The following TAOK1 variants were observed in gnomAD, a reference collection of about 807,000 sequenced individuals.
The protein encoded by TAOK1 is serine/threonine-protein kinase TAO1.
A neutral mutation model predicts 138.3 loss-of-function variants in TAOK1; 21 were observed. That is an observed-to-expected ratio of 0.15 (90% confidence interval 0.11 to 0.22). The LOEUF is 0.22. Among genes scored for constraint, TAOK1 ranks in the 10% least tolerant of loss-of-function variants. TAOK1 has a pLI of 1.00. For synonymous variants in TAOK1, 361 were observed against 398.4 expected (o/e 0.91, Z 1.12); for missense variants, 651 against 1,227.7 (o/e 0.53, Z 7.02).
chr17:29,435,329 TCTTTCCAGTC>T (rs1905992930), intron 1 of TAOK1, among the ~76,000 whole-genome samples: 1 of 152,186 alleles, frequency 6.6e-6, no homozygotes, highest in African/African-American at 2.4e-5. Flanking sequence ...ATGATCTCTC[TCTTTCCAGTC>T]CTCATTTTTG....
intron 17 of TAOK1, among the ~76,000 whole-genome samples, chr17:29,526,567 C>T (rs931420174): frequency 6.6e-6 from 1 of 151,990 alleles, no homozygotes; most frequent in Non-Finnish European, 1.5e-5. Context: ...AGGCATGCAC[C>T]ACCACCTGGC....
intron 2 of TAOK1, 86 bp from the exon 3 acceptor site, chr17:29,467,057 TAC>T: frequency 1.0e-6 from 1 of 997,608 alleles, no homozygotes; most frequent in Non-Finnish European, 1.4e-6. Flanking sequence ...CATGGTAGTT[TAC>T]AAATGCTTTT....
intron 9 of TAOK1, 96 bp downstream of exon 9, chr17:29,489,853 A>G (rs2031260374): frequency 2.5e-6 from 2 of 784,914 alleles, no homozygotes; most frequent in Non-Finnish European, 4.0e-6. Flanking sequence ...GTTAGGTAAA[A>G]TGTATCACCT....
chr17:29,465,864 T>TTTTTTTTTTTTTTTTTTTTTTTA (rs397828344), intron 2 of TAOK1, among the ~76,000 whole-genome samples: 1 of 131,858 alleles, frequency 7.6e-6, no homozygotes, highest in African/African-American at 2.8e-5. Flanking sequence ...TTTTTTTTTT[T>TTTTTTTTTTTTTTTTTTTTTTTA]CAGATTTTCC....
At chr17:29,417,194 T>G (rs1409638817) in intron 1 of TAOK1, among the ~76,000 whole-genome samples, 2 of 152,238 alleles carry the variant, frequency 1.3e-5, no homozygotes, top group African/African-American at 4.8e-5. Flanking sequence ...TATGTATTTT[T>G]TATTAGTAAG....
chr17:29,548,393 A>C lies in TAOK1; in HGVS notation c.*5371A>C, dbSNP rs769625942. 1.4e-4 allele frequency: 22 copies of C among 152,064 alleles called. No individual in the cohort carries two copies. Among genetic ancestry groups the C allele is most frequent in the Admixed American group, 3.9e-4 (6 of 15,256 alleles). 9.4% of individuals were successfully genotyped at this position (152,064 alleles called of 1,614,324 possible). On this transcript the variant is annotated 3_prime_UTR_variant, in exon 20 of 20. Coordinates refer to ENST00000261716, the MANE Select transcript of TAOK1 (RefSeq NM_020791.4). The stretch of plus-strand genomic sequence containing the variant: ...TTTCCCAGCAATCTAAACTTTTTGA[A>C]GTTTCAGAGGTGTATTTTTTTTTTG...
chr17:29,518,641 G>C (rs1271753708), intron 16 of TAOK1, among the ~76,000 whole-genome samples: 1 of 152,136 alleles, frequency 6.6e-6, no homozygotes, highest in African/African-American at 2.4e-5. Flanking sequence ...TCACGGAATT[G>C]ATGCAATTTT....
intron 1 of TAOK1, among the ~76,000 whole-genome samples, chr17:29,428,371 T>C (rs1567715651): frequency 6.6e-6 from 1 of 152,056 alleles, no homozygotes; most frequent in Non-Finnish European, 1.5e-5. Context: ...AAACAAAAAG[T>C]AGTGGCAGTG....
intron 3 of TAOK1, among the ~76,000 whole-genome samples, chr17:29,470,348 G>T (rs932923810): frequency 1.8e-4 from 27 of 152,168 alleles, no homozygotes; most frequent in African/African-American, 5.3e-4. Context: ...GTACTGCTTG[G>T]TTTTTTTCTG....
rs553861213 is a variant in TAOK1 at position 29,466,904 on chromosome 17, A to T, written c.133-241A>T. 2.6e-5 allele frequency among the ~76,000 whole-genome samples: 4 copies of T among 152,156 alleles called. No homozygotes were observed. In the East Asian group the frequency reaches 5.8e-4, roughly 22 times the overall value. On this transcript the variant is annotated intron_variant, in intron 2 of 19. Coordinates refer to ENST00000261716, the MANE Select transcript of TAOK1 (RefSeq NM_020791.4). Reference sequence around the variant, plus strand: ...CAAATTTCTGTATTTTTCTTCTCAGATTACTCAAAGGTTTATTTTCTTATT... The same window carrying T: ...CAAATTTCTGTATTTTTCTTCTCAGTTTACTCAAAGGTTTATTTTCTTATT...
intron 1 of TAOK1, among the ~76,000 whole-genome samples, chr17:29,417,591 C>T (rs1263325282): frequency 2.0e-5 from 3 of 152,106 alleles, no homozygotes; most frequent in Admixed American, 6.6e-5. Context: ...TACTTTTTGC[C>T]AGATTTCTTA....
At chr17:29,445,125 T>C (rs762852211) in intron 1 of TAOK1, among the ~76,000 whole-genome samples, 1 of 152,206 alleles carries the variant, frequency 6.6e-6, no homozygotes, top group Non-Finnish European at 1.5e-5. Flanking sequence ...TTTTTTACTT[T>C]TAATTTTTGT....
At chr17:29,530,834 T>C (rs1331573372) in intron 18 of TAOK1, 5 of 575,640 alleles carry the variant, frequency 8.7e-6, no homozygotes, top group Non-Finnish European at 1.5e-5. Flanking sequence ...CATGAGGTTC[T>C]AAATAGGCTC....
At chr17:29,434,119 G>A (rs1381272795) in intron 1 of TAOK1, among the ~76,000 whole-genome samples, 1 of 152,180 alleles carries the variant, frequency 6.6e-6, no homozygotes, top group Non-Finnish European at 1.5e-5. Context: ...TTTTCACAGG[G>A]AGAGGGAGGC....
At chr17:29,530,231 A>G (rs2150771935) in intron 17 of TAOK1, among the ~76,000 whole-genome samples, 176 bp from the exon 18 acceptor site, 1 of 152,308 alleles carries the variant, frequency 6.6e-6, no homozygotes, top group Middle Eastern at 3.4e-3. Flanking sequence ...ATAAAATTCA[A>G]TCAGCAGTTT....
At chr17:29,447,685 G>A (rs1427882900) in intron 1 of TAOK1, among the ~76,000 whole-genome samples, 1 of 149,470 alleles carries the variant, frequency 6.7e-6, no homozygotes, top group Non-Finnish European at 1.5e-5. Flanking sequence ...GAGACAGAGT[G>A]TCGCTATGTT....
intron 19 of TAOK1, 113 bp from the exon 20 acceptor site, chr17:29,542,448 G>T: frequency 1.2e-6 from 1 of 867,598 alleles, no homozygotes; most frequent in South Asian, 3.3e-5. Flanking sequence ...GAAACTCATG[G>T]ACAAATATAC....
chr17:29,431,515 A>G (rs1442527419), intron 1 of TAOK1, among the ~76,000 whole-genome samples: 2 of 109,828 alleles, frequency 1.8e-5, no homozygotes, highest in Non-Finnish European at 3.5e-5. Context: ...ACACACTTTA[A>G]TTTTATAGGC....
rs1390701981 is a variant in TAOK1 at position 29,548,655 on chromosome 17, GT to G, written c.*5637del. 6.6e-6 allele frequency: 1 copy of G among 152,078 alleles called. No individual in the cohort carries two copies. Among genetic ancestry groups the G allele is most frequent in the Non-Finnish European group, 1.5e-5 (1 of 67,998 alleles). 9.4% of individuals were successfully genotyped at this position (152,078 alleles called of 1,614,324 possible). ...AAGTACGGGTAATTCAACCTGCACA[GT>G]TTTCTTTCACTCAAAGTGTTCAGCA... On this transcript the variant is annotated 3_prime_UTR_variant, in exon 20 of 20. Coordinates refer to ENST00000261716, the MANE Select transcript of TAOK1 (RefSeq NM_020791.4).
Sources: gnomAD v4.1 joint callset for allele counts (sites outside exome capture counted in the v4.1 genomes callset) on GRCh38, gnomAD v4.1.1 for gene constraint, MANE v1.5 for transcripts, NCBI Gene and HGNC (gene_info 2026-07-23, HGNC 2026-07-21) for gene names.